Variants in SSPN observed in about 807,000 individuals in gnomAD.
SSPN encodes the protein sarcospan.
A neutral mutation model predicts 19.1 loss-of-function variants in SSPN; 15 were observed. The observed-to-expected ratio is 0.78, with a 90% CI of 0.52 to 1.21. SSPN has a LOEUF of 1.21. SSPN is among the 50% of genes most tolerant of loss of function. The pLI is 0.00. For missense variants in SSPN, 291 were observed against 314.0 expected (o/e 0.93, Z 0.55); for synonymous variants, 147 against 140.3 (o/e 1.05, Z -0.34).
At chr12:26,191,692 AC>A, upstream of SSPN, among the ~76,000 whole-genome samples, 1 of 69,266 alleles carries the variant, frequency 1.4e-5, no homozygotes, top group African/African-American at 9.0e-5. Flanking sequence ...ACACACACAC[AC>A]ACACACACAC....
chr12:26,132,721 TC>T (rs1159422554), intron 1 of SSPN, among the ~76,000 whole-genome samples: 5 of 152,330 alleles, frequency 3.3e-5, no homozygotes, highest in Middle Eastern at 3.4e-3. Flanking sequence ...TGGCTCCTGT[TC>T]GGCTCTCCAC....
At chr12:26,190,278 G>C (rs572123540) in intron 1 of SSPN, among the ~76,000 whole-genome samples, 1 of 152,268 alleles carries the variant, frequency 6.6e-6, no homozygotes, top group East Asian at 1.9e-4. Flanking sequence ...GTAAAGAATT[G>C]CATTTGCCTT....
intron 1 of SSPN, among the ~76,000 whole-genome samples, chr12:26,182,533 G>T (rs1944724834): frequency 6.6e-6 from 1 of 151,496 alleles, no homozygotes; most frequent in Non-Finnish European, 1.5e-5. Flanking sequence ...GCTCATTTCA[G>T]GTGCATTAGT....
intron 1 of SSPN, among the ~76,000 whole-genome samples, chr12:26,201,664 G>T (rs1281781300): frequency 2.0e-5 from 3 of 151,732 alleles, no homozygotes; most frequent in Non-Finnish European, 4.4e-5. Context: ...CTGTATTGTG[G>T]ATATATTCAA....
upstream of SSPN, chr12:26,195,353 C>T (rs371863535): frequency 3.0e-5 from 9 of 304,400 alleles, no homozygotes; most frequent in East Asian, 1.1e-4. Flanking sequence ...CACGCGCGCA[C>T]TCGCAGCCTG....
chr12:26,167,084 A>G (rs185946569), intron 1 of SSPN, among the ~76,000 whole-genome samples: 1 of 152,356 alleles, frequency 6.6e-6, no homozygotes, highest in African/African-American at 2.4e-5. Flanking sequence ...TTAAAGTGGA[A>G]AAATAAATCA....
intron 1 of SSPN, among the ~76,000 whole-genome samples, chr12:26,167,208 T>C (rs1464850771): frequency 6.6e-6 from 1 of 152,226 alleles, no homozygotes; most frequent in African/African-American, 2.4e-5. Context: ...ACCACATACG[T>C]GAGGTTTTTT....
chr12:26,201,911 C>T (rs948202123), intron 1 of SSPN, among the ~76,000 whole-genome samples: 1 of 152,142 alleles, frequency 6.6e-6, no homozygotes, highest in Non-Finnish European at 1.5e-5. Flanking sequence ...ATCAGAGCTT[C>T]TGTTTGAACA....
chr12:26,197,770 TTTC>T (rs1477390483), intron 1 of SSPN, among the ~76,000 whole-genome samples: 1 of 152,206 alleles, frequency 6.6e-6, no homozygotes, highest in East Asian at 1.9e-4. Flanking sequence ...TCTTTCTGGT[TTTC>T]TTTTTTATCA....
upstream of SSPN, among the ~76,000 whole-genome samples, chr12:26,194,023 A>G (rs3809138): frequency 6.6e-6 from 1 of 152,078 alleles, no homozygotes; most frequent in African/African-American, 2.4e-5. Context: ...AAATTTTCCA[A>G]TAGCAAACAA....
At chr12:26,153,102 C>A (rs1020238204) in intron 1 of SSPN, among the ~76,000 whole-genome samples, 6 of 152,164 alleles carry the variant, frequency 3.9e-5, no homozygotes, top group Non-Finnish European at 8.8e-5. Context: ...CTAAAGTAAG[C>A]CCCATTGCCC....
chr12:26,149,957 A>G (rs1944515525), intron 1 of SSPN, among the ~76,000 whole-genome samples: 1 of 152,228 alleles, frequency 6.6e-6, no homozygotes, highest in Non-Finnish European at 1.5e-5. Context: ...GTACATGTAC[A>G]CATATACTCG....
intron 1 of SSPN, among the ~76,000 whole-genome samples, chr12:26,211,913 A>T (rs1212281600): frequency 6.6e-6 from 1 of 152,208 alleles, no homozygotes; most frequent in Non-Finnish European, 1.5e-5. Context: ...ATTAGAAAGC[A>T]TGTATCTAGC....
At chr12:26,127,230 C>T (rs1944372066) in intron 1 of SSPN, among the ~76,000 whole-genome samples, 1 of 152,120 alleles carries the variant, frequency 6.6e-6, no homozygotes, top group Admixed American at 6.5e-5. Context: ...TTGGCCTCGT[C>T]GGGCTAAAAA....
intron 2 of SSPN, among the ~76,000 whole-genome samples, chr12:26,229,957 C>T (rs1945213077): frequency 6.6e-6 from 1 of 152,230 alleles, no homozygotes; most frequent in Admixed American, 6.5e-5. Context: ...AGAGCGAGAA[C>T]TTTAACCAGA....
Position 26,159,617 on chromosome 12 carries a change from G to A in SSPN, c.-31+37465G>A, listed in dbSNP as rs2729659. On this transcript the variant is annotated intron_variant, in intron 1 of 2. Transcript: ENST00000538142. ...TGTTTTAAGAAGTAGAATTCAATCT[G>A]CACCCATTCATGAGAATGGTTATGT... Among the ~76,000 whole-genome samples the A allele has an allele frequency of 8.5e-3, 1,295 of 152,300 alleles. 15 individuals carry two copies. The highest frequency in any genetic ancestry group is 0.03 in the African/African-American group (1,234 of 41,564).
rs1425441189 is a variant in SSPN at position 26,201,028 on chromosome 12, TATATATATATATATATATTA to T, written c.279+5078_279+5097del. Among the ~76,000 whole-genome samples, 69 of 34,732 alleles carry T rather than the reference TATATATATATATATATATTA, an allele frequency of 2.0e-3. 4 individuals are homozygous for T. Among genetic ancestry groups the T allele is most frequent in the African/African-American group, 5.5e-3 (43 of 7,768 alleles). The allele number at this position is 34,732 out of a possible 152,430, so 22.8% of individuals were successfully genotyped here. The stretch of plus-strand genomic sequence containing the variant: ...TAATTTGTGTATATATATATATATA[TATATATATATATATATATTA>T]TATATATATATTTGGAAATAAAATG... On this transcript the variant is annotated intron_variant, in intron 1 of 2. Transcript: ENST00000242729.
rs546162429 is a variant in SSPN, at chr12:26,158,532, C to T, written c.-31+36380C>T. 2.0e-5 allele frequency among the ~76,000 whole-genome samples: 3 copies of T among 152,354 alleles called. No homozygotes were observed. In the South Asian group the frequency reaches 6.2e-4, roughly 32 times the overall value. On this transcript the variant is annotated intron_variant, in intron 1 of 2. Transcript: ENST00000538142. ...CCTCAGGCTCTGAGTGACGGGAACT[C>T]CTACCACCTGCATTACAGGATCTGC... is the stretch of plus-strand genomic sequence containing the variant.
intron 1 of SSPN, chr12:26,122,380 C>T: frequency 1.6e-6 from 2 of 1,218,040 alleles, no homozygotes; most frequent in Non-Finnish European, 2.1e-6. Flanking sequence ...GCAGCCGCCG[C>T]CGGGTACAGA....
Sources: allele counts gnomAD v4.1 joint callset (sites outside exome capture counted in the v4.1 genomes callset), GRCh38; gene constraint gnomAD v4.1.1; transcripts MANE v1.5; gene names NCBI Gene and HGNC (gene_info 2026-07-23, HGNC 2026-07-21).